TMEM50B: variants seen among roughly 807,000 people sequenced by gnomAD.
TMEM50B encodes the protein HCV p7-trans-regulated protein 3.
Under a neutral mutation model 23.4 loss-of-function variants are expected in TMEM50B, and 14 were observed. The observed-to-expected ratio is 0.60, with a 90% CI of 0.39 to 0.93. The LOEUF is 0.93. TMEM50B is among the 40% of genes least tolerant of loss of function. The pLI, the probability that TMEM50B is intolerant of heterozygous loss-of-function variation, is 0.00. For missense variants in TMEM50B, 159 were observed against 193.0 expected, an observed-to-expected ratio of 0.82 and a Z score of 1.04; for synonymous variants, 64 against 62.3, an observed-to-expected ratio of 1.03 and a Z score of -0.13.
In TMEM50B at chr21:33,449,770, C is replaced by T. The variant is rs1166983745; in HGVS notation, c.*1048G>A. On this transcript the variant is annotated 3_prime_UTR_variant, in exon 7 of 7. Transcript: ENST00000542230. Reference sequence around the variant, plus strand: ...GTTCATGCTTTTAAACTGCGATTGTCTCAAACTTGCTTGCTATTGAATTGT... The same window carrying T: ...GTTCATGCTTTTAAACTGCGATTGTTTCAAACTTGCTTGCTATTGAATTGT... 2.0e-5 allele frequency: 3 copies of T among 152,588 alleles called. No individual in the cohort carries two copies. Among genetic ancestry groups the T allele is most frequent in the African/African-American group, 7.2e-5 (3 of 41,428 alleles). The allele number at this position is 152,588 out of a possible 1,614,324, so 9.5% of individuals were successfully genotyped here.
chr21:33,464,401 T>C (rs1036273937), intron 4 of TMEM50B, among the ~76,000 whole-genome samples: 1 of 149,078 alleles, frequency 6.7e-6, no homozygotes, highest in African/African-American at 2.5e-5. Context: ...GGTTTCTCCA[T>C]GTTGGCAGGG....
At chr21:33,434,492 A>G (rs2083924086) in intron 8 of TMEM50B, among the ~76,000 whole-genome samples, 1 of 152,194 alleles carries the variant, frequency 6.6e-6, no homozygotes, top group Non-Finnish European at 1.5e-5. Flanking sequence ...ATAGCACTTT[A>G]GCTTGGGTGG....
intron 4 of TMEM50B, among the ~76,000 whole-genome samples, chr21:33,464,578 G>A (rs1294787498): frequency 6.7e-6 from 1 of 149,136 alleles, no homozygotes; most frequent in Non-Finnish European, 1.5e-5. Context: ...GGCCAAGGTG[G>A]GTGGATCACC....
intron 7 of TMEM50B, among the ~76,000 whole-genome samples, chr21:33,443,414 T>TTGACCTAAACA (rs2084024900): frequency 1.7e-5 from 2 of 114,828 alleles, no homozygotes; most frequent in Admixed American, 9.7e-5. Context: ...CTGTAGGCTG[T>TTGACCTAAACA]GCACCGCACA....
downstream of TMEM50B, chr21:33,449,124 AAAC>A (rs566884558): frequency 1.8e-4 from 28 of 152,322 alleles, 1 homozygote; most frequent in African/African-American, 6.0e-4. Context: ...TTTCTCCAAC[AAAC>A]AACAATATTA....
intron 2 of TMEM50B, among the ~76,000 whole-genome samples, chr21:33,467,412 T>A (rs1170445714): frequency 6.6e-6 from 1 of 152,122 alleles, no homozygotes; most frequent in African/African-American, 2.4e-5. Flanking sequence ...TCACCTGAGG[T>A]CAGGAGTTTG....
At chr21:33,474,868 CACAA>C (rs575148748) in intron 1 of TMEM50B, among the ~76,000 whole-genome samples, 186 of 77,264 alleles carry the variant, frequency 2.4e-3, no homozygotes, top group African/African-American at 9.1e-3. Flanking sequence ...GAAAGATAAA[CACAA>C]ACAAATCAGG....
intron 4 of TMEM50B, among the ~76,000 whole-genome samples, chr21:33,462,057 A>AAGCATCC (rs2084221848): frequency 6.6e-6 from 1 of 152,176 alleles, no homozygotes; most frequent in African/African-American, 2.4e-5. Flanking sequence ...GAACAATTAA[A>AAGCATCC]AGCATCCATC....
At chr21:33,444,741 T>A (rs531606589), downstream of TMEM50B, among the ~76,000 whole-genome samples, 1 of 135,022 alleles carries the variant, frequency 7.4e-6, no homozygotes, top group Non-Finnish European at 1.5e-5. Context: ...GTGTGCAATG[T>A]TCATGCCTGT....
chr21:33,475,918 C>T (rs185638372), intron 1 of TMEM50B, among the ~76,000 whole-genome samples: 180 of 152,026 alleles, frequency 1.2e-3, no homozygotes, highest in Middle Eastern at 3.4e-3. Flanking sequence ...CTCACCACTG[C>T]ACTCCGGCCT....
chr21:33,436,705 G>GT lies in TMEM50B; in HGVS notation c.*2120+2508dup, dbSNP rs1429635267. Reference sequence around the variant, plus strand: ...CCACTATACTCCAGCCTAGGCAAGAGTAAGACTCCATCTCAAAAAAAAAAT... The same window carrying GT: ...CCACTATACTCCAGCCTAGGCAAGAGTTAAGACTCCATCTCAAAAAAAAAAT... On this transcript the variant is annotated intron_variant and NMD_transcript_variant, in intron 8 of 8. Transcript: ENST00000420455. 30 of 745,756 alleles carry GT rather than the reference G, an allele frequency of 4.0e-5. No individual in the cohort carries two copies. The South Asian group carries it at 5.1e-4, about 13-fold the overall frequency. The allele number at this position is 745,756 out of a possible 1,614,324, so 46.2% of individuals were successfully genotyped here.
chr21:33,466,088 C>A (rs1216528847), intron 3 of TMEM50B, among the ~76,000 whole-genome samples: 1 of 151,952 alleles, frequency 6.6e-6, no homozygotes, highest in Non-Finnish European at 1.5e-5. Context: ...GGTGGAACCC[C>A]GTCTCTACTA....
intron 7 of TMEM50B, among the ~76,000 whole-genome samples, chr21:33,442,613 T>A (rs1443286542): frequency 6.6e-6 from 1 of 151,984 alleles, no homozygotes; most frequent in South Asian, 2.1e-4. Context: ...TATACCTAGC[T>A]ACAACATAAA....
At chr21:33,465,663 G>C (rs1271882183) in intron 3 of TMEM50B, among the ~76,000 whole-genome samples, 1 of 152,128 alleles carries the variant, frequency 6.6e-6, no homozygotes, top group South Asian at 2.1e-4. Context: ...TTATACAAGA[G>C]GGACCAGTTT....
At chr21:33,456,119 A>C in intron 5 of TMEM50B, 1 of 541,298 alleles carries the variant, frequency 1.8e-6, no homozygotes, top group South Asian at 1.6e-5. Flanking sequence ...AATCGTAAAA[A>C]CATACAAAAT....
At chr21:33,444,803 C>CAAA (rs60816843), downstream of TMEM50B, among the ~76,000 whole-genome samples, 26 of 96,304 alleles carry the variant, frequency 2.7e-4, no homozygotes, top group African/African-American at 6.4e-4. Flanking sequence ...CATCTCTTTA[C>CAAA]AAAAAAAAAA....
intron 5 of TMEM50B, among the ~76,000 whole-genome samples, chr21:33,457,861 C>T (rs1383704911): frequency 2.0e-5 from 3 of 152,058 alleles, no homozygotes; most frequent in African/African-American, 7.2e-5. Flanking sequence ...CCCAACCCAC[C>T]CCCCGGAACC....
rs573178799 is a variant in TMEM50B at position 33,477,316 on chromosome 21, G to A, written c.-42+2522C>T. ...GTGAGGGGTGGGGTTGGGAGGAAATGAGGTAGGTCTCCACGTGCTTATGAA... is the reference window on the plus strand; with the variant it reads ...GTGAGGGGTGGGGTTGGGAGGAAATAAGGTAGGTCTCCACGTGCTTATGAA... On this transcript the variant is annotated intron_variant, in intron 1 of 6. Coordinates refer to ENST00000542230, the MANE Select transcript of TMEM50B (RefSeq NM_006134.7). 3.3e-5 allele frequency among the ~76,000 whole-genome samples: 5 copies of A among 151,734 alleles called. No homozygotes were observed. In the East Asian group the frequency reaches 5.9e-4, roughly 18 times the overall value.
chr21:33,468,903 A>T lies in TMEM50B; in HGVS notation c.-18T>A, dbSNP rs1464136681. 5 of 1,594,114 alleles carry T rather than the reference A, an allele frequency of 3.1e-6. No individual in the cohort carries two copies. The African/African-American group carries it at 6.7e-5, about 21-fold the overall frequency. Reference sequence around the variant, plus strand: ...CCTGCCATTTTTACTTCTTAAGCATAAATTTTTCATTAAATGCTGTATCCT... The same window carrying T: ...CCTGCCATTTTTACTTCTTAAGCATTAATTTTTCATTAAATGCTGTATCCT... On this transcript the variant is annotated 5_prime_UTR_variant, in exon 2 of 7. The change creates a premature stop within an existing upstream ORF in the 5' untranslated region. Coordinates refer to ENST00000542230, the MANE Select transcript of TMEM50B (RefSeq NM_006134.7).
Sources: gnomAD v4.1 joint callset for allele counts (sites outside exome capture counted in the v4.1 genomes callset) on GRCh38, gnomAD v4.1.1 for gene constraint, MANE v1.5 for transcripts, NCBI Gene and HGNC (gene_info 2026-07-23, HGNC 2026-07-21) for gene names.